Variants in ATG2B observed in about 807,000 individuals in gnomAD.
ATG2B encodes autophagy related 2B.
Under a neutral mutation model 241.3 loss-of-function variants are expected in ATG2B, and 121 were observed. That is an observed-to-expected ratio of 0.50 (90% CI 0.43 to 0.58). The LOEUF (loss-of-function observed/expected upper bound fraction) is 0.58. ATG2B is among the 20% of genes least tolerant of loss of function. The pLI, the probability that ATG2B is intolerant of heterozygous loss-of-function variation, is 0.00. For synonymous variants in ATG2B, 858 were observed against 876.6 expected, an observed-to-expected ratio of 0.98 and a Z score of 0.37; for missense variants, 2,306 against 2,491.6, an observed-to-expected ratio of 0.93 and a Z score of 1.59.
Position 96,289,933 on chromosome 14 carries a change from T to A in ATG2B, c.5857-128A>T, listed in dbSNP as rs1232867521. ...TCACAAACCCTAATGAAGACACTTCTGCGTATCTGAATTCTTTACCACAAG... is the reference window on the plus strand; with the variant it reads ...TCACAAACCCTAATGAAGACACTTCAGCGTATCTGAATTCTTTACCACAAG... On this transcript the variant is annotated intron_variant, in intron 40 of 41. Coordinates refer to ENST00000359933, the MANE Select transcript of ATG2B (RefSeq NM_018036.7). This position sits in a 1 kb window ranked among gnomAD's most constrained non-coding sequence, Gnocchi z 4.3. 2.1e-6 allele frequency: 2 copies of A among 950,218 alleles called. No individual in the cohort carries two copies. Among genetic ancestry groups the A allele is most frequent in the South Asian group, 3.5e-5 (2 of 56,458 alleles). The allele number at this position is 950,218 out of a possible 1,614,324, so 58.9% of individuals were successfully genotyped here.
Position 96,329,494 on chromosome 14 carries a change from T to G in ATG2B, c.1871A>C (p.His624Pro). ...FPTDFHSVPP[H>P]YTELLTFHSK... ...GTATTCAATATTTACCTCTGTATAG[T>G]GAGGAGGAACAGAATGAAAATCAGT... is the stretch of plus-strand genomic sequence containing the variant. Residue 624 changes from histidine (H) to proline (P), a missense_variant, in exon 12 of 42, where the codon CAC (histidine) becomes CCC (proline). Physicochemically the swap from His to Pro is moderately conservative, Grantham distance 77 (BLOSUM62 -2). Transcript: ENST00000359933. The G allele has an allele frequency of 6.2e-7, 1 of 1,609,564 alleles. No individual in the cohort carries two copies. The highest frequency in any genetic ancestry group is 8.5e-7 in the Non-Finnish European group (1 of 1,177,592).
At chr14:96,293,434 T>C (rs1886542762) in intron 36 of ATG2B, among the ~76,000 whole-genome samples, 1 of 152,192 alleles carries the variant, frequency 6.6e-6, no homozygotes, top group African/African-American at 2.4e-5. Context: ...CAATTAAATA[T>C]TTTCTCTACT....
rs370850584 is a variant in ATG2B, at chr14:96,328,659, A to G, written c.1974+15T>C. ...TAAAATTTACAGGTGGCAATTATAG[A>G]AAAAGATCTCTTACCTGGGGCCCTC... On this transcript the variant is annotated intron_variant, in intron 13 of 41. Transcript: ENST00000359933. The G allele has an allele frequency of 3.8e-5, 60 of 1,589,276 alleles. No homozygotes were observed. Among genetic ancestry groups the G allele is most frequent in the Middle Eastern group, 3.4e-4 (2 of 5,944 alleles).
chr14:96,333,577 ATCTTTTTGT>A, intron 8 of ATG2B, 102 bp downstream of exon 8: 1 of 966,068 alleles, frequency 1.0e-6, no homozygotes, highest in South Asian at 1.8e-5. Context: ...TACAATGTGG[ATCTTTTTGT>A]TCTTTCATTC....
intron 2 of ATG2B, among the ~76,000 whole-genome samples, chr14:96,345,747 G>A (rs562328451): frequency 5.3e-4 from 80 of 152,048 alleles, no homozygotes; most frequent in African/African-American, 1.9e-3. Flanking sequence ...TTCTGTAAAG[G>A]GTCAGACAGT....
rs1167768782 is a variant in ATG2B, at chr14:96,331,470, A to T, written c.1636T>A (p.Cys546Ser). 1.1e-5 allele frequency: 17 copies of T among 1,613,942 alleles called. No homozygotes were observed. Among genetic ancestry groups the T allele is most frequent in the Non-Finnish European group, 1.4e-5 (16 of 1,179,844 alleles). Residue 546 changes from cysteine (C) to serine (S), a missense_variant, in exon 11 of 42, where the codon TGT becomes AGT. By Grantham distance (112) the Cys-to-Ser change is moderately radical. This residue lies in a region of ATG2B where 1,927 missense variants were observed against 2,011.2 expected (regional missense o/e 0.96). Transcript: ENST00000359933. ...CTTGCTGGATCAATCTTTTCTATAC[A>T]AGTAAAGAAAGCTACTGCCATAGGT... ...LTPMAVAFFT[C>S]IEKIDPARFS...
At chr14:96,305,900 C>T (rs978347639) in intron 30 of ATG2B, 85 bp from the exon 31 acceptor site, 41 of 980,496 alleles carry the variant, frequency 4.2e-5, no homozygotes, top group Non-Finnish European at 5.8e-5. Flanking sequence ...GGCATTCTTG[C>T]TTCTACATTC....
chr14:96,328,189 C>G (rs928938170), intron 14 of ATG2B, among the ~76,000 whole-genome samples, 158 bp downstream of exon 14: 2 of 152,158 alleles, frequency 1.3e-5, no homozygotes, highest in Non-Finnish European at 2.9e-5. Flanking sequence ...AGTCTACTAT[C>G]AAGACATAAA....
intron 18 of ATG2B, among the ~76,000 whole-genome samples, chr14:96,320,752 C>T (rs1283712262): frequency 6.6e-6 from 1 of 152,152 alleles, no homozygotes; most frequent in Non-Finnish European, 1.5e-5. Context: ...TTTTTGATCT[C>T]TGGGCTAGGC....
At position 96,329,642 on chromosome 14, in the gene ATG2B, A is replaced by T. The variant is rs1377049485; in HGVS notation, c.1731-8T>A. 11 of 1,564,454 alleles carry T rather than the reference A, an allele frequency of 7.0e-6. No individual in the cohort carries two copies. Among genetic ancestry groups the T allele is most frequent in the South Asian group, 1.1e-5 (1 of 87,046 alleles). ...ATGCCAGTACCTATAAATCTATTAT[A>T]AAAAATGCACCATTTAAGATTATTA... On this transcript the variant is annotated splice_polypyrimidine_tract_variant and splice_region_variant and intron_variant, in intron 11 of 41. Transcript: ENST00000359933.
chr14:96,291,699 G>C lies in ATG2B; in HGVS notation c.5497-17C>G, dbSNP rs753566752. The C allele has an allele frequency of 6.3e-7, 1 of 1,576,452 alleles. No individual in the cohort carries two copies. The highest frequency in any genetic ancestry group is 8.7e-7 in the Non-Finnish European group (1 of 1,151,948). On this transcript the variant is annotated splice_polypyrimidine_tract_variant and intron_variant, in intron 37 of 41. Transcript: ENST00000359933. ...TAGCGTACCCTTCAAAATTAAAAAAGGCCAAATTAACCTTACTGTAAATTA... is the reference window on the plus strand; with the variant it reads ...TAGCGTACCCTTCAAAATTAAAAAACGCCAAATTAACCTTACTGTAAATTA...
chr14:96,360,216 G>A (rs1888587154), intron 1 of ATG2B, among the ~76,000 whole-genome samples: 1 of 152,192 alleles, frequency 6.6e-6, no homozygotes, highest in African/African-American at 2.4e-5. Context: ...ATTCTCCACT[G>A]ACTATTTATG....
At chr14:96,360,711 G>A (rs1888599755) in intron 1 of ATG2B, among the ~76,000 whole-genome samples, 1 of 152,264 alleles carries the variant, frequency 6.6e-6, no homozygotes, top group East Asian at 1.9e-4. Flanking sequence ...AACAGTAGGA[G>A]TACAGCAATT....
rs144785750 is a variant in ATG2B, at chr14:96,301,814, C to CATCTAATG, written c.5139+185_5139+192dup. Among the ~76,000 whole-genome samples the CATCTAATG allele has an allele frequency of 8.3e-3, 1,260 of 152,246 alleles. 15 individuals are homozygous for CATCTAATG. Among genetic ancestry groups the CATCTAATG allele is most frequent in the African/African-American group, 0.029 (1,201 of 41,528 alleles). On this transcript the variant is annotated intron_variant, in intron 34 of 41. Transcript: ENST00000359933. ...CCATGAGTAGGAGACTGGGGAATAA[C>CATCTAATG]ATCTAATGATGTTGACTCAGCCATA...
At chr14:96,341,841 C>T (rs930298291) in intron 5 of ATG2B, 140 bp from the exon 6 acceptor site, 18 of 595,238 alleles carry the variant, frequency 3.0e-5, no homozygotes, top group African/African-American at 3.8e-5. Context: ...AAACCAGTAT[C>T]GTATAGCTAA....
intron 1 of ATG2B, among the ~76,000 whole-genome samples, chr14:96,353,044 T>C (rs1888373111): frequency 6.6e-6 from 1 of 152,198 alleles, no homozygotes; most frequent in Admixed American, 6.5e-5. Context: ...TATTTGTACA[T>C]ACCTTTTCTA....
chr14:96,294,942 TA>T lies in ATG2B; in HGVS notation c.5426+17del. 1 of 1,608,036 alleles carries T rather than the reference TA, an allele frequency of 6.2e-7. No individual in the cohort carries two copies. Among genetic ancestry groups the T allele is most frequent in the South Asian group, 1.1e-5 (1 of 90,758 alleles). On this transcript the variant is annotated intron_variant, in intron 36 of 41. Transcript: ENST00000359933. ...AGTCTAAAATAACTTCATTTGTTAT[TA>T]AAACTAAATTAGTTACCTAAAAAAC...
Position 96,311,522 on chromosome 14 carries a change from C to G in ATG2B, c.3990+20G>C. On this transcript the variant is annotated intron_variant, in intron 27 of 41. Transcript: ENST00000359933. ...CTTAAAAAATAGAACTTAAAATTTT[C>G]ATTTATTTTAATAACTCACTTGCTC... 6.4e-7 allele frequency: 1 copy of G among 1,556,962 alleles called. No homozygotes were observed. The highest frequency in any genetic ancestry group is 8.7e-7 in the Non-Finnish European group (1 of 1,143,178).
At position 96,362,983 on chromosome 14, in the gene ATG2B, T is replaced by C. The variant is rs200866249; in HGVS notation, c.-7A>G. ...CCGAAAACGGCCAAGGCATAGTGAC[T>C]GCTGGCAGCTGGGCTGACTGCGGCT... On this transcript the variant is annotated 5_prime_UTR_variant, in exon 1 of 42. Transcript: ENST00000359933. 278 of 1,613,124 alleles carry C rather than the reference T, an allele frequency of 1.7e-4. 3 individuals carry two copies. In the African/African-American group the frequency reaches 3.3e-3, roughly 19 times the overall value.
Sources: allele counts gnomAD v4.1 joint callset (sites outside exome capture counted in the v4.1 genomes callset), GRCh38; gene constraint gnomAD v4.1.1; regional missense constraint gnomAD v4.1.1; non-coding constraint Gnocchi (gnomAD v3.1); transcripts MANE v1.5; gene names NCBI Gene and HGNC (gene_info 2026-07-23, HGNC 2026-07-21).